CDH8: variants seen among roughly 807,000 people sequenced by gnomAD.
CDH8 encodes the protein cadherin 8, also known as cadherin-8.
In CDH8, 17 loss-of-function variants were observed where a neutral mutation model predicts 68.1. The ratio of observed to expected loss-of-function variants is 0.25; its 90% CI spans 0.17 to 0.37. The LOEUF is 0.37. Among genes scored for constraint, CDH8 ranks in the 10% least tolerant of loss-of-function variants. The probability of loss-of-function intolerance (pLI) is 1.00; values close to 1 mark genes in which losing one functional copy is unlikely to be tolerated. For synonymous variants in CDH8, 372 were observed against 365.1 expected (o/e 1.02, Z -0.21); for missense variants, 763 against 999.3 (o/e 0.76, Z 3.19).
intron 10 of CDH8, among the ~76,000 whole-genome samples, chr16:61,689,885 G>T (rs1964184232): frequency 6.6e-6 from 1 of 151,674 alleles, no homozygotes; most frequent in Admixed American, 6.6e-5. Context: ...CTTTGCTCAA[G>T]GTTACATCAC....
chr16:61,787,075 C>A (rs9708758), intron 8 of CDH8, among the ~76,000 whole-genome samples: 15,758 of 143,110 alleles, frequency 0.11, 989 homozygotes, highest in African/African-American at 0.18. Flanking sequence ...GCAACAAAAG[C>A]CAAAATTGAC....
intron 10 of CDH8, among the ~76,000 whole-genome samples, chr16:61,712,272 G>C (rs182479755): frequency 7.3e-4 from 111 of 151,700 alleles, no homozygotes; most frequent in African/African-American, 2.5e-3. Flanking sequence ...GTCAAAATTA[G>C]ACTTTCCTTG....
At chr16:61,948,420 C>T (rs552887692) in intron 2 of CDH8, among the ~76,000 whole-genome samples, 17 of 152,270 alleles carry the variant, frequency 1.1e-4, no homozygotes, top group African/African-American at 4.1e-4. Context: ...AAATATCTTT[C>T]AATATGTAAC....
intron 1 of CDH8, among the ~76,000 whole-genome samples, chr16:62,022,547 CA>C (rs756884522): frequency 1.3e-4 from 20 of 150,962 alleles, no homozygotes; most frequent in East Asian, 3.9e-4. Context: ...TCTTTACTCT[CA>C]AAAAAAAATA....
In CDH8 at chr16:61,925,176, T is replaced by C. The variant is rs150480666; in HGVS notation, c.253-23703A>G. On this transcript the variant is annotated intron_variant, in intron 2 of 11. Coordinates refer to ENST00000577390, the MANE Select transcript of CDH8 (RefSeq NM_001796.5). ...AGCTGTGCTTACACTAATTGAAAAC[T>C]GCCATTGTCCAATTAAAGCAGGTGA... Among the ~76,000 whole-genome samples, 431 of 152,296 alleles carry C rather than the reference T, an allele frequency of 2.8e-3. 2 individuals are homozygous for C. The highest frequency in any genetic ancestry group is 9.9e-3 in the African/African-American group (410 of 41,558).
intron 2 of CDH8, among the ~76,000 whole-genome samples, chr16:61,969,558 T>G (rs1965305954): frequency 6.6e-6 from 1 of 152,204 alleles, no homozygotes; most frequent in Admixed American, 6.5e-5. Context: ...CCAAATATGA[T>G]CATTTATCTA....
intron 2 of CDH8, among the ~76,000 whole-genome samples, chr16:62,000,267 T>C (rs929168472): frequency 6.6e-6 from 1 of 152,220 alleles, no homozygotes; most frequent in South Asian, 2.1e-4. Flanking sequence ...AACATATGTA[T>C]GCATGTTTCT....
chr16:61,909,712 C>T (rs1322934307), intron 2 of CDH8, among the ~76,000 whole-genome samples: 2 of 152,118 alleles, frequency 1.3e-5, no homozygotes, highest in African/African-American at 4.8e-5. Flanking sequence ...GTAACATATA[C>T]ATTTAGAAGC....
At chr16:61,724,757 T>TAGTG (rs1268862308) in intron 9 of CDH8, among the ~76,000 whole-genome samples, 9 of 150,976 alleles carry the variant, frequency 6.0e-5, no homozygotes, top group Non-Finnish European at 1.2e-4. Flanking sequence ...AGGAATATTC[T>TAGTG]AGTTCCATAG....
chr16:62,032,166 AT>A (rs1038455023), intron 1 of CDH8, among the ~76,000 whole-genome samples: 13 of 152,178 alleles, frequency 8.5e-5, no homozygotes, highest in African/African-American at 3.1e-4. Context: ...CACAGATAAC[AT>A]TTTTTGAAAG....
At chr16:61,895,811 T>C (rs1963859759) in intron 3 of CDH8, among the ~76,000 whole-genome samples, 2 of 152,114 alleles carry the variant, frequency 1.3e-5, no homozygotes, top group Admixed American at 6.6e-5. Flanking sequence ...AAAGGAATGG[T>C]TGTAAAGAAA....
At chr16:61,921,286 AAG>A (rs1491050020) in intron 2 of CDH8, among the ~76,000 whole-genome samples, 2 of 151,502 alleles carry the variant, frequency 1.3e-5, no homozygotes, top group Admixed American at 6.6e-5. Flanking sequence ...AGAAAAAAAA[AAG>A]AGTGTAGCCT....
intron 2 of CDH8, among the ~76,000 whole-genome samples, chr16:62,007,266 T>A (rs16964166): frequency 0.5 from 76,533 of 152,066 alleles, 20,604 homozygotes; most frequent in East Asian, 0.73. Context: ...CTTACCCATA[T>A]ACCTTTTCTA....
At chr16:61,836,377 C>G (rs1962569328) in intron 4 of CDH8, among the ~76,000 whole-genome samples, 1 of 151,986 alleles carries the variant, frequency 6.6e-6, no homozygotes. Context: ...GAAGACAGCA[C>G]TTACCCCAAA....
At chr16:61,855,646 A>G (rs575409787) in intron 4 of CDH8, among the ~76,000 whole-genome samples, 41 of 152,336 alleles carry the variant, frequency 2.7e-4, no homozygotes, top group African/African-American at 9.1e-4. Flanking sequence ...AGAAGAGAAC[A>G]TTACTCAGGT....
chr16:61,791,298 T>A (rs934454163), intron 7 of CDH8, among the ~76,000 whole-genome samples: 9 of 151,898 alleles, frequency 5.9e-5, no homozygotes, highest in Admixed American at 2.0e-4. Flanking sequence ...AACATGAGGA[T>A]GTGTTTATTG....
Position 61,652,358 on chromosome 16 carries a change from G to A in CDH8, c.*1250C>T, listed in dbSNP as rs1279489958. 62 of 984,014 alleles carry A rather than the reference G, an allele frequency of 6.3e-5. No individual in the cohort carries two copies. The highest frequency in any genetic ancestry group is 7.2e-5 in the Non-Finnish European group (60 of 828,816). 61.0% of individuals were successfully genotyped at this position (984,014 alleles called of 1,614,324 possible). A position where few individuals can be genotyped will look rare whatever the true frequency, so the allele number is the denominator to read the frequency against. On this transcript the variant is annotated 3_prime_UTR_variant, in exon 12 of 12. Coordinates refer to ENST00000577390, the MANE Select transcript of CDH8 (RefSeq NM_001796.5). ...GGGTAAATTGAAGCATGTTTATTGGGCAGGGCATGATGTAGGTATCTAAAA... is the reference window on the plus strand; with the variant it reads ...GGGTAAATTGAAGCATGTTTATTGGACAGGGCATGATGTAGGTATCTAAAA...
At chr16:61,760,578 G>T (rs1335077334) in intron 8 of CDH8, among the ~76,000 whole-genome samples, 2 of 152,000 alleles carry the variant, frequency 1.3e-5, no homozygotes, top group Admixed American at 6.6e-5. Flanking sequence ...CTCTTAAAGT[G>T]CTGGGATTAC....
intron 10 of CDH8, among the ~76,000 whole-genome samples, chr16:61,677,910 C>G (rs1440244147): frequency 2.0e-5 from 3 of 151,916 alleles, no homozygotes; most frequent in Non-Finnish European, 2.9e-5. Context: ...AAAAGTCGAC[C>G]AGCATTTAAC....
Sources: allele counts gnomAD v4.1 joint callset (sites outside exome capture counted in the v4.1 genomes callset), GRCh38; gene constraint gnomAD v4.1.1; transcripts MANE v1.5; gene names NCBI Gene and HGNC (gene_info 2026-07-23, HGNC 2026-07-21).